UBR2: variants seen among roughly 807,000 people sequenced by gnomAD.
The protein encoded by UBR2 is ubiquitin protein ligase E3 component n-recognin 2, also known as E3 ubiquitin-protein ligase UBR2.
UBR2 carries 92 observed loss-of-function variants against 247.9 expected under a neutral mutation model. The observed-to-expected ratio is 0.37, with a 90% CI of 0.31 to 0.44. The LOEUF is 0.44. Among genes scored for constraint, UBR2 ranks in the 20% least tolerant of loss-of-function variants. The probability of loss-of-function intolerance (pLI) is 1.00; values close to 1 mark genes in which losing one functional copy is unlikely to be tolerated. For missense variants in UBR2, 1,613 were observed against 2,112.6 expected (o/e 0.76, Z 4.64); for synonymous variants, 672 against 693.5 (o/e 0.97, Z 0.49).
At position 42,691,323 on chromosome 6, in the gene UBR2, A is replaced by T; in HGVS notation, c.*150A>T. ...GTTTCTGGTTCTGAGGACTGATGAA[A>T]ATCATCTTCCATCAGCAGATTTTCT... is the stretch of plus-strand genomic sequence containing the variant. On this transcript the variant is annotated 3_prime_UTR_variant, in exon 47 of 47. Transcript: ENST00000372901. 1 of 1,054,718 alleles carries T rather than the reference A, an allele frequency of 9.5e-7. No homozygotes were observed. Among genetic ancestry groups the T allele is most frequent in the Non-Finnish European group, 1.4e-6 (1 of 732,574 alleles). 65.3% of individuals were successfully genotyped at this position (1,054,718 alleles called of 1,614,324 possible).
rs1400320565 is a variant in UBR2, at chr6:42,666,243, T to C, written c.3879T>C (p.Pro1293=). 6 of 1,604,638 alleles carry C rather than the reference T, an allele frequency of 3.7e-6. No individual in the cohort carries two copies. The highest frequency in any genetic ancestry group is 5.1e-6 in the Non-Finnish European group (6 of 1,176,060). The part of the protein sequence containing the change: ...LPEGFRPDFR[P]KIPYSESIKE... ...AAGGGTTCAGGCCTGATTTTCGTCCTAAGTGAGTATATTATTTTACTCCTT... is the reference window on the plus strand; with the variant it reads ...AAGGGTTCAGGCCTGATTTTCGTCCCAAGTGAGTATATTATTTTACTCCTT... The change falls in exon 34 of 47, where the codon CCT becomes CCC. Residue 1293 remains proline (P), a splice_region_variant and synonymous_variant. Transcript: ENST00000372901.
intron 2 of UBR2, among the ~76,000 whole-genome samples, chr6:42,585,855 TTTGTCTTTTATCTA>T (rs991006824): frequency 6.6e-5 from 10 of 152,274 alleles, no homozygotes; most frequent in Admixed American, 4.6e-4. Flanking sequence ...CTTTGTTATT[TTTGTCTTTTATCTA>T]TTTTGTTTTA....
rs1318843150 is a variant in UBR2, at chr6:42,632,599, G to C, written c.1329G>C (p.Lys443Asn). 1.2e-6 allele frequency: 2 copies of C among 1,612,712 alleles called. No individual in the cohort carries two copies. The highest frequency in any genetic ancestry group is 1.7e-6 in the Non-Finnish European group (2 of 1,179,610). ...TEENLMSIII[K>N]TFMDHLRHRD... is the part of the protein sequence containing the mutation. The stretch of plus-strand genomic sequence containing the variant: ...AAAACTTAATGAGCATTATCATTAA[G>C]ACTTTTATGGATCATTTGAGACATC... Residue 443 changes from lysine (K) to asparagine (N), a missense_variant, in exon 12 of 47, where the codon AAG (lysine) becomes AAC (asparagine). Transcript: ENST00000372901.
At chr6:42,573,261 A>G (rs1404152456) in intron 1 of UBR2, among the ~76,000 whole-genome samples, 1 of 152,192 alleles carries the variant, frequency 6.6e-6, no homozygotes, top group Non-Finnish European at 1.5e-5. Flanking sequence ...CTTGCTTATC[A>G]ATCATTAAGA....
intron 11 of UBR2, among the ~76,000 whole-genome samples, chr6:42,631,929 T>C (rs1208731541): frequency 1.5e-5 from 2 of 135,380 alleles, no homozygotes; most frequent in African/African-American, 5.6e-5. Context: ...AAAATACACA[T>C]ACATATACCA....
intron 32 of UBR2, chr6:42,664,134 GC>G (rs1295967509): frequency 1.3e-5 from 2 of 151,664 alleles, no homozygotes; most frequent in South Asian, 2.1e-4. Flanking sequence ...GAGTGACAGA[GC>G]AAGACCCTGT....
intron 10 of UBR2, 82 bp from the exon 11 acceptor site, chr6:42,617,327 G>T (rs543956612): frequency 6.2e-7 from 1 of 1,613,992 alleles, no homozygotes; most frequent in Admixed American, 1.7e-5. Context: ...GTTCTTCACC[G>T]CACCTACTCT....
chr6:42,687,143 G>T (rs1799473140), intron 44 of UBR2, among the ~76,000 whole-genome samples: 1 of 152,214 alleles, frequency 6.6e-6, no homozygotes, highest in Admixed American at 6.5e-5. Context: ...CGGCTGGGAG[G>T]TGGAGGTTGT....
chr6:42,631,891 A>ATAT (rs752152787), intron 11 of UBR2, among the ~76,000 whole-genome samples: 4,533 of 113,690 alleles, frequency 0.04, 255 homozygotes, highest in South Asian at 0.058. Flanking sequence ...TATATATATA[A>ATAT]ATACAGGTTC....
intron 15 of UBR2, among the ~76,000 whole-genome samples, chr6:42,637,889 T>C (rs1469564644): frequency 6.6e-6 from 1 of 152,230 alleles, no homozygotes; most frequent in Non-Finnish European, 1.5e-5. Context: ...CTTTTCTTGC[T>C]CGCACACTGT....
chr6:42,637,718 T>C (rs1463109781), intron 15 of UBR2, among the ~76,000 whole-genome samples: 1 of 152,216 alleles, frequency 6.6e-6, no homozygotes, highest in Non-Finnish European at 1.5e-5. Context: ...AATGGGGTGA[T>C]AATCTTTTAA....
rs751700119 is a variant in UBR2 at position 42,676,816 on chromosome 6, G to C, written c.4421G>C (p.Cys1474Ser). 4.3e-6 allele frequency: 7 copies of C among 1,613,996 alleles called. No individual in the cohort carries two copies. The highest frequency in any genetic ancestry group is 5.9e-6 in the Non-Finnish European group (7 of 1,179,970). Residue 1474 changes from cysteine (C) to serine (S), a missense_variant, in exon 40 of 47, where the codon TGT (cysteine) becomes TCT (serine). By Grantham distance (112) the Cys-to-Ser change is moderately radical. Transcript: ENST00000372901. ...GGCATGGATCAAGAAAATCCCCCTTGTGAAGAAGAATCAGCAGTTCTTGCT... is the reference window on the plus strand; with the variant it reads ...GGCATGGATCAAGAAAATCCCCCTTCTGAAGAAGAATCAGCAGTTCTTGCT... Reference protein sequence around the residue: ...ENGMDQENPPCEEESAVLALY... With the variant: ...ENGMDQENPPSEEESAVLALY...
chr6:42,603,769 CT>C, intron 5 of UBR2, 51 bp downstream of exon 5: 1 of 1,534,084 alleles, frequency 6.5e-7, no homozygotes, highest in Admixed American at 2.4e-5. Context: ...TAAATTTTAA[CT>C]TTAACACAGC....
chr6:42,624,016 A>C (rs1795170337), intron 11 of UBR2, among the ~76,000 whole-genome samples: 1 of 152,096 alleles, frequency 6.6e-6, no homozygotes, highest in Admixed American at 6.6e-5. Flanking sequence ...TCCTTGTTAT[A>C]GCCTTTTGGG....
chr6:42,617,129 G>A, intron 10 of UBR2: 1 of 852,540 alleles, frequency 1.2e-6, no homozygotes, highest in South Asian at 1.5e-5. Flanking sequence ...TCCAGTTATT[G>A]TTCTCATAGC....
chr6:42,685,339 T>C (rs1799315353), intron 44 of UBR2, among the ~76,000 whole-genome samples: 1 of 152,074 alleles, frequency 6.6e-6, no homozygotes, highest in South Asian at 2.1e-4. Flanking sequence ...TGTAGTACTC[T>C]ATACTACATA....
At chr6:42,594,136 C>T (rs1026871367) in intron 3 of UBR2, 55 bp from the exon 4 acceptor site, 10 of 1,322,652 alleles carry the variant, frequency 7.6e-6, no homozygotes, top group Non-Finnish European at 1.1e-5. Context: ...TATTTATTAT[C>T]TGATAGCCCT....
chr6:42,632,069 A>AAATATATATATATATATATATAT (rs56721828), intron 11 of UBR2, among the ~76,000 whole-genome samples: 1 of 114,084 alleles, frequency 8.8e-6, no homozygotes, highest in African/African-American at 3.4e-5. Flanking sequence ...AAAAAAAAAA[A>AAATATATATATATATATATATAT]ATATATATAT....
chr6:42,666,242 CTAAG>C lies in UBR2; in HGVS notation c.3880_3881+2del. The C allele has an allele frequency of 6.2e-7, 1 of 1,605,680 alleles. No homozygotes were observed. Among genetic ancestry groups the C allele is most frequent in the Non-Finnish European group, 8.5e-7 (1 of 1,176,672 alleles). On this transcript the variant is annotated splice_donor_variant and coding_sequence_variant, in exon 34 of 47. Coordinates refer to ENST00000372901, the MANE Select transcript of UBR2 (RefSeq NM_001363705.2). LOFTEE classifies it high-confidence loss of function. ...GAAGGGTTCAGGCCTGATTTTCGTCCTAAGTGAGTATATTATTTTACTCCTTTAA... is the reference window on the plus strand; with the variant it reads ...GAAGGGTTCAGGCCTGATTTTCGTCCTGAGTATATTATTTTACTCCTTTAA...
Sources: gnomAD v4.1 joint callset for allele counts (sites outside exome capture counted in the v4.1 genomes callset) on GRCh38, gnomAD v4.1.1 for gene constraint, MANE v1.5 for transcripts, NCBI Gene and HGNC (gene_info 2026-07-23, HGNC 2026-07-21) for gene names.